Variants in CLEC17A observed in about 807,000 individuals in gnomAD.
The protein encoded by CLEC17A is C-type lectin domain containing 17A, also known as C-type lectin domain family 17, member A.
CLEC17A carries 37 observed loss-of-function variants against 61.3 expected under a neutral mutation model. The observed-to-expected ratio is 0.60, with a 90% CI of 0.46 to 0.79. The LOEUF is 0.79. Among genes scored for constraint, CLEC17A ranks in the 30% least tolerant of loss-of-function variants. The probability of loss-of-function intolerance (pLI) is 0.00; values close to 1 mark genes in which losing one functional copy is unlikely to be tolerated. For synonymous variants in CLEC17A, 168 were observed against 164.9 expected (o/e 1.02, Z -0.14); for missense variants, 418 against 464.7 (o/e 0.90, Z 0.92).
At chr19:14,599,675 G>A (rs764658813) in intron 10 of CLEC17A, 42 bp from the exon 11 acceptor site, 1 of 1,421,466 alleles carries the variant, frequency 7.0e-7, no homozygotes, top group Non-Finnish European at 9.9e-7. Flanking sequence ...TGGGTAGGAT[G>A]GGTTCTCAGT....
intron 12 of CLEC17A, among the ~76,000 whole-genome samples, chr19:14,602,385 G>T (rs1363108881): frequency 6.6e-6 from 1 of 152,044 alleles, no homozygotes; most frequent in East Asian, 1.9e-4. Context: ...GGCCTCCTGG[G>T]CTCAAGTGAT....
rs1339866244 is a variant in CLEC17A, at chr19:14,591,300, G to A, written c.200-981G>A. 4.0e-5 allele frequency among the ~76,000 whole-genome samples: 6 copies of A among 150,106 alleles called. No individual in the cohort carries two copies. The South Asian group carries it at 8.5e-4, about 21-fold the overall frequency. ...CTCCTGAGTAGCTGGGACCACAGGC[G>A]CCCGCCACCACGCCTGGCTAATTTT... On this transcript the variant is annotated intron_variant, in intron 3 of 13. Coordinates refer to ENST00000417570, the MANE Select transcript of CLEC17A (RefSeq NM_001204118.2).
At chr19:14,588,571 A>C (rs1023745668) in intron 3 of CLEC17A, 1 of 151,988 alleles carries the variant, frequency 6.6e-6, no homozygotes, top group Non-Finnish European at 1.5e-5. Flanking sequence ...GAGCCACTCG[A>C]CACCCCCGAG....
At chr19:14,595,899 T>C (rs866184808) in intron 8 of CLEC17A, among the ~76,000 whole-genome samples, 1 of 134,342 alleles carries the variant, frequency 7.4e-6, no homozygotes, top group African/African-American at 2.9e-5. Flanking sequence ...ATGATAGTGG[T>C]GGTAGTGATG....
At chr19:14,588,732 T>G (rs2074348416) in intron 3 of CLEC17A, 1 of 152,004 alleles carries the variant, frequency 6.6e-6, no homozygotes, top group Non-Finnish European at 1.5e-5. Flanking sequence ...CCTGAGGCCA[T>G]GAGAGATCCT....
intron 10 of CLEC17A, among the ~76,000 whole-genome samples, chr19:14,598,901 A>C (rs2074627064): frequency 6.6e-6 from 1 of 152,094 alleles, no homozygotes; most frequent in Non-Finnish European, 1.5e-5. Context: ...TTGAAGCTGC[A>C]GTGAACCACG....
intron 12 of CLEC17A, among the ~76,000 whole-genome samples, chr19:14,605,894 A>G (rs567616570): frequency 6.6e-6 from 1 of 151,996 alleles, no homozygotes; most frequent in South Asian, 2.1e-4. Flanking sequence ...ACGCACCACC[A>G]CGTCTGGCTA....
At chr19:14,585,005 C>T (rs376901031) in intron 2 of CLEC17A, among the ~76,000 whole-genome samples, 38 of 152,192 alleles carry the variant, frequency 2.5e-4, no homozygotes, top group East Asian at 5.8e-4. Flanking sequence ...AATCCAAACC[C>T]CACCTCATCT....
intron 13 of CLEC17A, among the ~76,000 whole-genome samples, chr19:14,608,949 G>A (rs373969307): frequency 1.8e-4 from 27 of 152,012 alleles, no homozygotes; most frequent in Admixed American, 7.9e-4. Context: ...ACAGGCGCCC[G>A]CCACCATGCT....
Position 14,583,400 on chromosome 19 carries a change from A to G in CLEC17A, c.87A>G (p.Ser29=), listed in dbSNP as rs533234200. Reference sequence around the variant, plus strand: ...AGGAGGATGATGACTATGAGAACTCAACACCTCCCTACAAGGACCTTCCTC... The same window carrying G: ...AGGAGGATGATGACTATGAGAACTCGACACCTCCCTACAAGGACCTTCCTC... ...EEEEDDDYEN[S]TPPYKDLPPK... is the part of the protein sequence containing the mutation. Residue 29 remains serine, a synonymous_variant, in exon 2 of 14, where the codon TCA becomes TCG. Coordinates refer to ENST00000417570, the MANE Select transcript of CLEC17A (RefSeq NM_001204118.2). 534 of 1,612,556 alleles carry G rather than the reference A, an allele frequency of 3.3e-4. 8 individuals carry two copies. In the South Asian group the frequency reaches 5.6e-3, roughly 17 times the overall value.
chr19:14,595,180 A>G (rs2074514148), intron 7 of CLEC17A, 94 bp from the exon 8 acceptor site: 1 of 1,453,122 alleles, frequency 6.9e-7, no homozygotes, highest in Admixed American at 1.7e-5. Flanking sequence ...CCAGCCCCCT[A>G]AATTCTGACC....
At chr19:14,585,041 T>C (rs2074253918) in intron 2 of CLEC17A, among the ~76,000 whole-genome samples, 1 of 152,070 alleles carries the variant, frequency 6.6e-6, no homozygotes, top group Non-Finnish European at 1.5e-5. Context: ...AACGCAACTG[T>C]TTTTGTTTTT....
At position 14,597,028 on chromosome 19, in the gene CLEC17A, G is replaced by C. The variant is rs372726127; in HGVS notation, c.583+15G>C. The C allele has an allele frequency of 7.4e-5, 119 of 1,610,784 alleles. No individual in the cohort carries two copies. The African/African-American group carries it at 1.3e-3, about 18-fold the overall frequency. ...CCTGATTAAGTGTGAGTAGGGCCAGGAAGGGACATGGGGAGAGATTGGGGA... is the reference window on the plus strand; with the variant it reads ...CCTGATTAAGTGTGAGTAGGGCCAGCAAGGGACATGGGGAGAGATTGGGGA... On this transcript the variant is annotated intron_variant, in intron 9 of 13. Coordinates refer to ENST00000417570, the MANE Select transcript of CLEC17A (RefSeq NM_001204118.2).
chr19:14,591,215 C>T lies in CLEC17A; in HGVS notation c.200-1066C>T, dbSNP rs201647431. Among the ~76,000 whole-genome samples, 32 of 150,710 alleles carry T rather than the reference C, an allele frequency of 2.1e-4. No homozygotes were observed. In the East Asian group the frequency reaches 5.7e-3, roughly 27 times the overall value. ...TGTCGCCCAGGCTGGAGTGCAGTGGCGCGATCTCGGCTCACTGCAAGCTCC... is the reference window on the plus strand; with the variant it reads ...TGTCGCCCAGGCTGGAGTGCAGTGGTGCGATCTCGGCTCACTGCAAGCTCC... On this transcript the variant is annotated intron_variant, in intron 3 of 13. Coordinates refer to ENST00000417570, the MANE Select transcript of CLEC17A (RefSeq NM_001204118.2).
chr19:14,584,561 G>T (rs2074243487), intron 2 of CLEC17A, among the ~76,000 whole-genome samples: 1 of 152,100 alleles, frequency 6.6e-6, no homozygotes, highest in South Asian at 2.1e-4. Flanking sequence ...TTCTGTGAGG[G>T]CTGAGGCTGT....
At chr19:14,593,677 C>CG (rs1267953803) in intron 4 of CLEC17A, among the ~76,000 whole-genome samples, 1 of 151,316 alleles carries the variant, frequency 6.6e-6, no homozygotes, top group East Asian at 2.0e-4. Flanking sequence ...AAATAGAACA[C>CG]GGGCTGGGTG....
Position 14,600,110 on chromosome 19 carries a change from A to G in CLEC17A, c.822A>G (p.Ser274=), listed in dbSNP as rs1024532770. 47 of 1,614,008 alleles carry G rather than the reference A, an allele frequency of 2.9e-5. No homozygotes were observed. The highest frequency in any genetic ancestry group is 3.9e-5 in the Non-Finnish European group (46 of 1,179,892). ...ACTACTTCTCCCCAAGCACCAAGTC[A>G]TGGGATGAGGCCCGGATGTTCTGCC... ...KCYYFSPSTK[S]WDEARMFCQE... Residue 274 remains serine, a synonymous_variant, in exon 12 of 14, where the codon TCA becomes TCG. Transcript: ENST00000417570.
intron 3 of CLEC17A, among the ~76,000 whole-genome samples, chr19:14,590,888 G>A (rs1212595736): frequency 2.0e-5 from 3 of 150,290 alleles, no homozygotes; most frequent in African/African-American, 7.4e-5. Flanking sequence ...TACAGAGATA[G>A]GGTCTTGCTA....
chr19:14,601,059 C>T (rs1162110713), intron 12 of CLEC17A, among the ~76,000 whole-genome samples: 11 of 152,036 alleles, frequency 7.2e-5, no homozygotes, highest in Admixed American at 2.0e-4. Flanking sequence ...TGTGCCACCA[C>T]GCCTGGCTAA....
Sources: gnomAD v4.1 joint callset for allele counts (sites outside exome capture counted in the v4.1 genomes callset) on GRCh38, gnomAD v4.1.1 for gene constraint, MANE v1.5 for transcripts, NCBI Gene and HGNC (gene_info 2026-07-23, HGNC 2026-07-21) for gene names.